Variants in HHAT observed in about 807,000 individuals in gnomAD.
HHAT encodes the protein protein-cysteine N-palmitoyltransferase HHAT.
A neutral mutation model predicts 70.8 loss-of-function variants in HHAT; 47 were observed. The ratio of observed to expected loss-of-function variants is 0.66; its 90% CI spans 0.53 to 0.85. The LOEUF (loss-of-function observed/expected upper bound fraction) is 0.85, where lower values mean the gene tolerates loss of function less well. HHAT is among the 40% of genes least tolerant of loss of function. The pLI is 0.00. For synonymous variants in HHAT, 228 were observed against 247.6 expected (o/e 0.92, Z 0.74); for missense variants, 609 against 604.8 (o/e 1.01, Z -0.07).
intron 6 of HHAT, among the ~76,000 whole-genome samples, chr1:210,408,631 G>T (rs906578880): frequency 6.6e-6 from 1 of 152,162 alleles, no homozygotes; most frequent in African/African-American, 2.4e-5. Flanking sequence ...GCTCAGAAGA[G>T]GCCAGTGTGC....
Position 210,534,707 on chromosome 1 carries a change from C to A in HHAT, c.1043+21519C>A, listed in dbSNP as rs182100041. Among the ~76,000 whole-genome samples, 422 of 152,274 alleles carry A rather than the reference C, an allele frequency of 2.8e-3. 1 individual carries two copies. Among genetic ancestry groups the A allele is most frequent in the Non-Finnish European group, 4.7e-3 (322 of 68,018 alleles). ...CGAAACAGTGTTGACTGCATTTGGACAGTGGCCTGACACATGAGACCACAT... is the reference window on the plus strand; with the variant it reads ...CGAAACAGTGTTGACTGCATTTGGAAAGTGGCCTGACACATGAGACCACAT... On this transcript the variant is annotated intron_variant, in intron 9 of 11. Coordinates refer to ENST00000261458, the MANE Select transcript of HHAT (RefSeq NM_018194.6).
intron 11 of HHAT, among the ~76,000 whole-genome samples, chr1:210,631,386 C>G (rs1226313963): frequency 6.6e-6 from 1 of 152,208 alleles, no homozygotes; most frequent in East Asian, 1.9e-4. Flanking sequence ...ACCTTCCAGC[C>G]TCTGGGACTG....
rs767857766 is a variant in HHAT, at chr1:210,400,605, G to C, written c.411G>C (p.Trp137Cys). ...VAQFRSQLLTWLCSLLLLSTL... is the reference protein window; with the variant it reads ...VAQFRSQLLTCLCSLLLLSTL... ...AGTTCCGGTCTCAGCTCCTGACGTG[G>C]CTCTGTTCTCTCCTCCTCCTCTCCA... The change falls in exon 5 of 12, where the codon TGG becomes TGC. Residue 137 changes from tryptophan (W) to cysteine (C), a missense_variant. Transcript: ENST00000261458. The C allele has an allele frequency of 6.2e-7, 1 of 1,614,104 alleles. No homozygotes were observed. The highest frequency in any genetic ancestry group is 2.2e-5 in the East Asian group (1 of 44,862).
intron 7 of HHAT, chr1:210,462,559 C>T (rs1410835302): frequency 6.6e-6 from 1 of 152,190 alleles, no homozygotes; most frequent in East Asian, 1.9e-4. Flanking sequence ...GACTCTTTAT[C>T]AGGCACGTCC....
chr1:210,582,561 C>T (rs941530541), intron 9 of HHAT, among the ~76,000 whole-genome samples: 1 of 152,138 alleles, frequency 6.6e-6, no homozygotes, highest in African/African-American at 2.4e-5. Context: ...AAGATTAATG[C>T]GTTTACCACA....
At chr1:210,465,001 G>T (rs2094069927) in intron 8 of HHAT, among the ~76,000 whole-genome samples, 1 of 152,202 alleles carries the variant, frequency 6.6e-6, no homozygotes, top group South Asian at 2.1e-4. Context: ...TGACATCAGT[G>T]TATGTGAGAC....
At chr1:210,334,187 T>TTTTTTTTTTTTTTTTTTTTTTTTTTG (rs1182164750) in intron 1 of HHAT, among the ~76,000 whole-genome samples, 1 of 140,514 alleles carries the variant, frequency 7.1e-6, no homozygotes, top group Non-Finnish European at 1.5e-5. Context: ...CATTTTTTTT[T>TTTTTTTTTTTTTTTTTTTTTTTTTTG]TTTTTTTTTT....
chr1:210,530,474 A>C lies in HHAT; in HGVS notation c.1043+17286A>C, dbSNP rs182428587. On this transcript the variant is annotated intron_variant, in intron 9 of 11. Transcript: ENST00000261458. ...TTAGAGGAGATTCATTTGCATTCAAATACCCTTTCCTGAATGAGAAAAATG... is the reference window on the plus strand; with the variant it reads ...TTAGAGGAGATTCATTTGCATTCAACTACCCTTTCCTGAATGAGAAAAATG... Among the ~76,000 whole-genome samples the C allele has an allele frequency of 5.4e-4, 83 of 152,304 alleles. No individual in the cohort carries two copies. The Middle Eastern group carries it at 0.01, about 19-fold the overall frequency.
At chr1:210,434,406 T>G (rs1430161897) in intron 7 of HHAT, among the ~76,000 whole-genome samples, 1 of 151,884 alleles carries the variant, frequency 6.6e-6, no homozygotes, top group Admixed American at 6.5e-5. Flanking sequence ...TCTCTTAATA[T>G]GCAGGAATGT....
chr1:210,424,685 C>T (rs777797018), intron 7 of HHAT, among the ~76,000 whole-genome samples: 4 of 151,980 alleles, frequency 2.6e-5, no homozygotes, highest in Non-Finnish European at 5.9e-5. Flanking sequence ...TGATATTGTT[C>T]TTTTTTATGG....
intron 9 of HHAT, among the ~76,000 whole-genome samples, chr1:210,515,131 C>G (rs1228283045): frequency 6.6e-6 from 1 of 152,196 alleles, no homozygotes; most frequent in African/African-American, 2.4e-5. Context: ...CCTTGCTGTG[C>G]TGTATTCTGT....
rs35244381 is a variant in HHAT, at chr1:210,519,527, CT to C, written c.1043+6357del. 1.2e-3 allele frequency among the ~76,000 whole-genome samples: 158 copies of C among 127,472 alleles called. 1 individual carries two copies. The highest frequency in any genetic ancestry group is 2.4e-3 in the East Asian group (11 of 4,616). 83.6% of individuals were successfully genotyped at this position (127,472 alleles called of 152,430 possible). A position where few individuals can be genotyped will look rare whatever the true frequency, so the allele number is the denominator to read the frequency against. On this transcript the variant is annotated intron_variant, in intron 9 of 11. Coordinates refer to ENST00000261458, the MANE Select transcript of HHAT (RefSeq NM_018194.6). ...ACATCCTTGCCAACAATTTTCTTTG[CT>C]TTTTTTTTTTTTTTTTTGAGGCAGG...
At chr1:210,554,171 T>C (rs2490215) in intron 9 of HHAT, among the ~76,000 whole-genome samples, 78,072 of 151,910 alleles carry the variant, frequency 0.51, 20,416 homozygotes, top group Admixed American at 0.59. Context: ...TTAATGATTT[T>C]AGCATGAGGG....
intron 7 of HHAT, 144 bp from the exon 8 acceptor site, chr1:210,464,361 T>A: frequency 2.6e-6 from 2 of 772,386 alleles, no homozygotes; most frequent in Non-Finnish European, 4.4e-6. Flanking sequence ...CAGTGTGGAA[T>A]ACTTTTGTGA....
chr1:210,536,303 G>C (rs904390123), intron 9 of HHAT, among the ~76,000 whole-genome samples: 3 of 152,202 alleles, frequency 2.0e-5, no homozygotes, highest in African/African-American at 7.2e-5. Context: ...TGTTCCCTGA[G>C]GGCTCATAGC....
At chr1:210,387,379 G>GC (rs2148142331) in intron 3 of HHAT, 89 bp from the exon 4 acceptor site, 1 of 1,065,446 alleles carries the variant, frequency 9.4e-7, no homozygotes, top group East Asian at 2.4e-5. Flanking sequence ...ACTCACACTG[G>GC]CCTTCTTTCC....
At chr1:210,532,925 G>GA (rs2095330031) in intron 9 of HHAT, among the ~76,000 whole-genome samples, 1 of 152,176 alleles carries the variant, frequency 6.6e-6, no homozygotes, top group African/African-American at 2.4e-5. Context: ...ATTTATAATG[G>GA]AAAAATGAGG....
In HHAT at chr1:210,438,208, A is replaced by G. The variant is rs976924456; in HGVS notation, c.856+19883A>G. ...TGTGTGTGTGTGTATACACATGTGTATGTATCCATTGATAATGGAATGCTT... is the reference window on the plus strand; with the variant it reads ...TGTGTGTGTGTGTATACACATGTGTGTGTATCCATTGATAATGGAATGCTT... On this transcript the variant is annotated intron_variant, in intron 7 of 11. Coordinates refer to ENST00000261458, the MANE Select transcript of HHAT (RefSeq NM_018194.6). 1.3e-5 allele frequency among the ~76,000 whole-genome samples: 2 copies of G among 151,612 alleles called. 1 individual carries two copies. Among genetic ancestry groups the G allele is most frequent in the African/African-American group, 4.9e-5 (2 of 41,062 alleles).
intron 7 of HHAT, among the ~76,000 whole-genome samples, chr1:210,435,948 C>T (rs72745499): frequency 0.23 from 35,433 of 151,566 alleles, 4,714 homozygotes; most frequent in Admixed American, 0.36. Context: ...TTTTGCTGTG[C>T]AGAAACTTTT....
Sources: allele counts gnomAD v4.1 joint callset (sites outside exome capture counted in the v4.1 genomes callset), GRCh38; gene constraint gnomAD v4.1.1; transcripts MANE v1.5; gene names NCBI Gene and HGNC (gene_info 2026-07-23, HGNC 2026-07-21).